UPF3A: variants seen among roughly 807,000 people sequenced by gnomAD.
UPF3A encodes the protein UPF3A regulator of nonsense mediated mRNA decay.
Under a neutral mutation model 53.5 loss-of-function variants are expected in UPF3A, and 42 were observed. The observed-to-expected ratio is 0.78, with a 90% confidence interval of 0.61 to 1.01. The LOEUF (loss-of-function observed/expected upper bound fraction) is 1.01, where lower values mean the gene tolerates loss of function less well. UPF3A is among the 50% of genes least tolerant of loss of function. UPF3A has a pLI of 0.00. For missense variants in UPF3A, 575 were observed against 598.0 expected (o/e 0.96, Z 0.40); for synonymous variants, 237 against 225.3 (o/e 1.05, Z -0.47).
chr13:114,298,934 C>A lies in UPF3A; in HGVS notation c.941C>A (p.Ser314Tyr). ...GATACTGGAGGTGGCAAGCAGGAAT[C>A]CTGTGCCCCCGGTGCAGTCGTAAAA... ...EIDTGGGKQE[S>Y]CAPGAVVKAR... is the part of the protein sequence containing the mutation. The change falls in exon 8 of 10, where the codon TCC becomes TAC. Residue 314 changes from serine to tyrosine, a missense_variant. Transcript: ENST00000375299. The A allele has an allele frequency of 6.2e-7, 1 of 1,610,548 alleles. No homozygotes were observed. Among genetic ancestry groups the A allele is most frequent in the African/African-American group, 1.3e-5 (1 of 74,756 alleles).
intron 5 of UPF3A, among the ~76,000 whole-genome samples, chr13:114,288,446 A>G (rs931728784): frequency 2.0e-5 from 3 of 152,178 alleles, no homozygotes; most frequent in African/African-American, 7.2e-5. Flanking sequence ...TGGAGGAAGG[A>G]AGCGCCAGGG....
chr13:114,288,098 C>T (rs1204030763), intron 5 of UPF3A, among the ~76,000 whole-genome samples: 2 of 152,230 alleles, frequency 1.3e-5, no homozygotes, highest in Non-Finnish European at 2.9e-5. Flanking sequence ...AGCCACCACA[C>T]CTAGCCGTAA....
At chr13:114,289,116 A>G (rs568292229) in intron 5 of UPF3A, among the ~76,000 whole-genome samples, 1 of 152,134 alleles carries the variant, frequency 6.6e-6, no homozygotes, top group Non-Finnish European at 1.5e-5. Flanking sequence ...AAGTTGGCTG[A>G]ATGAATGAAT....
Position 114,288,407 on chromosome 13 carries a change from G to C in UPF3A, c.631+1778G>C, listed in dbSNP as rs9562192. Among the ~76,000 whole-genome samples, 2,095 of 152,290 alleles carry C rather than the reference G, an allele frequency of 0.014. 131 individuals carry two copies. In the East Asian group the frequency reaches 0.21, roughly 16 times the overall value. Reference sequence around the variant, plus strand: ...GCTGCGGGAGGGAAAGAGGTCAGGAGATGAGCTGAGCCTGGCCGTGCTGAG... The same window carrying C: ...GCTGCGGGAGGGAAAGAGGTCAGGACATGAGCTGAGCCTGGCCGTGCTGAG... On this transcript the variant is annotated intron_variant, in intron 5 of 9. Coordinates refer to ENST00000375299, the MANE Select transcript of UPF3A (RefSeq NM_023011.4).
chr13:114,304,300 T>C (rs1420585569), intron 9 of UPF3A, among the ~76,000 whole-genome samples: 1 of 152,240 alleles, frequency 6.6e-6, no homozygotes, highest in Non-Finnish European at 1.5e-5. Context: ...CTTCATGGAC[T>C]TCATGGGTCA....
intron 7 of UPF3A, among the ~76,000 whole-genome samples, chr13:114,295,649 C>T (rs2085900573): frequency 6.6e-6 from 1 of 152,174 alleles, no homozygotes; most frequent in Admixed American, 6.5e-5. Context: ...TTTGATGCTA[C>T]CTGAGGTTAT....
Position 114,303,916 on chromosome 13 carries a change from C to T in UPF3A, c.1303-873C>T, listed in dbSNP as rs867079571. Among the ~76,000 whole-genome samples the T allele has an allele frequency of 3.9e-5, 6 of 152,214 alleles. No individual in the cohort carries two copies. The South Asian group carries it at 1.2e-3, about 32-fold the overall frequency. ...CAAGGAAAAGAAAATTAAGTTAAAC[C>T]CCCTGGTGGTAAGCAGATGTGGGCT... On this transcript the variant is annotated intron_variant, in intron 9 of 9. Transcript: ENST00000375299.
rs1223900022 is a variant in UPF3A at position 114,282,736 on chromosome 13, T to C, written c.315-101T>C. ...CTGAGATGATTTGGCACAAAAGTTT[T>C]ATCTAAAGTAGTTTGTTGTGCCCAG... On this transcript the variant is annotated intron_variant, in intron 2 of 9. Transcript: ENST00000375299. The C allele has an allele frequency of 2.6e-6, 4 of 1,511,986 alleles. No individual in the cohort carries two copies. The African/African-American group carries it at 4.2e-5, about 16-fold the overall frequency. 93.7% of individuals were successfully genotyped at this position (1,511,986 alleles called of 1,614,324 possible). A position where few individuals can be genotyped will look rare whatever the true frequency, so the allele number is the denominator to read the frequency against.
At chr13:114,297,732 G>A (rs1319718397) in intron 7 of UPF3A, among the ~76,000 whole-genome samples, 1 of 152,212 alleles carries the variant, frequency 6.6e-6, no homozygotes, top group Non-Finnish European at 1.5e-5. Context: ...GAGAGGCTGA[G>A]GCAGGAGAAT....
In UPF3A at chr13:114,299,001, G is replaced by A. The variant is rs913816164; in HGVS notation, c.1007+1G>A. 5 of 1,593,698 alleles carry A rather than the reference G, an allele frequency of 3.1e-6. No homozygotes were observed. Among genetic ancestry groups the A allele is most frequent in the South Asian group, 1.1e-5 (1 of 87,996 alleles). On this transcript the variant is annotated splice_donor_variant, in intron 8 of 9. Transcript: ENST00000375299. LOFTEE classifies it high-confidence loss of function. Reference sequence around the variant, plus strand: ...GCTCGCTGGAGGAGCCCCAGGAGACGTGAGCGTGCTTTCATTGTTATGACC... The same window carrying A: ...GCTCGCTGGAGGAGCCCCAGGAGACATGAGCGTGCTTTCATTGTTATGACC...
rs1456811257 is a variant in UPF3A, at chr13:114,282,157, G to A, written c.314+30G>A. 4.6e-6 allele frequency: 7 copies of A among 1,522,238 alleles called. No homozygotes were observed. In the East Asian group the frequency reaches 7.4e-5, roughly 16 times the overall value. 94.3% of individuals were successfully genotyped at this position (1,522,238 alleles called of 1,614,324 possible). On this transcript the variant is annotated intron_variant, in intron 2 of 9. Transcript: ENST00000375299. Reference sequence around the variant, plus strand: ...GGCCCGCCCCGAGGGGAGGAAGAGAGGGCGGAACCCAGAGCTCGGCGGCGG... The same window carrying A: ...GGCCCGCCCCGAGGGGAGGAAGAGAAGGCGGAACCCAGAGCTCGGCGGCGG...
chr13:114,298,420 G>A (rs886333931), intron 7 of UPF3A, among the ~76,000 whole-genome samples: 12 of 151,760 alleles, frequency 7.9e-5, no homozygotes, highest in Admixed American at 5.3e-4. Flanking sequence ...CATGCCTGTC[G>A]TCCCAGCTAC....
chr13:114,299,760 C>T (rs752372131), intron 8 of UPF3A, among the ~76,000 whole-genome samples: 7 of 152,230 alleles, frequency 4.6e-5, no homozygotes, highest in Non-Finnish European at 1.5e-5. Context: ...CTTACCTTCC[C>T]CTCCGGGACT....
At chr13:114,282,788 GACT>G (rs2084248090) in intron 2 of UPF3A, 46 bp from the exon 3 acceptor site, 1 of 1,565,992 alleles carries the variant, frequency 6.4e-7, no homozygotes, top group Admixed American at 1.8e-5. Context: ...TAAATTAATG[GACT>G]ATTGTATTTT....
chr13:114,303,646 C>T (rs1259323779), intron 9 of UPF3A, among the ~76,000 whole-genome samples: 1 of 151,952 alleles, frequency 6.6e-6, no homozygotes, highest in African/African-American at 2.4e-5. Context: ...ATTAAGCGGG[C>T]ATGGTGACAC....
At chr13:114,296,756 G>A (rs1233591150) in intron 7 of UPF3A, among the ~76,000 whole-genome samples, 2 of 152,124 alleles carry the variant, frequency 1.3e-5, no homozygotes, top group South Asian at 2.1e-4. Context: ...ACTCCAGGTC[G>A]ATGATCTCAG....
At chr13:114,304,405 C>T (rs988275879) in intron 9 of UPF3A, among the ~76,000 whole-genome samples, 4 of 152,196 alleles carry the variant, frequency 2.6e-5, no homozygotes, top group African/African-American at 4.8e-5. Flanking sequence ...ACATGCTAGG[C>T]AGGGATAAGC....
chr13:114,297,265 T>C (rs1277078071), intron 7 of UPF3A, among the ~76,000 whole-genome samples: 1 of 151,844 alleles, frequency 6.6e-6, no homozygotes, highest in Non-Finnish European at 1.5e-5. Flanking sequence ...GCTGAGGTGC[T>C]TTAGTTTCAA....
At chr13:114,283,720 T>C (rs1213831480) in intron 3 of UPF3A, 2 of 982,012 alleles carry the variant, frequency 2.0e-6, no homozygotes, top group Non-Finnish European at 2.4e-6. Flanking sequence ...AACTCTACTC[T>C]CAATAGTTCC....
Sources: gnomAD v4.1 joint callset for allele counts (sites outside exome capture counted in the v4.1 genomes callset) on GRCh38, gnomAD v4.1.1 for gene constraint, MANE v1.5 for transcripts, NCBI Gene and HGNC (gene_info 2026-07-23, HGNC 2026-07-21) for gene names.